The following ELAPOR2 variants were observed in gnomAD, a reference collection of about 807,000 sequenced individuals.
ELAPOR2 encodes the protein endosome-lysosome associated apoptosis and autophagy regulator family member 2.
In ELAPOR2, 89 loss-of-function variants were observed where a neutral mutation model predicts 120.7. The observed-to-expected ratio is 0.74, with a 90% CI of 0.62 to 0.88. The LOEUF (loss-of-function observed/expected upper bound fraction) is 0.88, where lower values mean the gene tolerates loss of function less well. ELAPOR2 is among the 40% of genes least tolerant of loss of function. ELAPOR2 has a pLI of 0.00. For synonymous variants in ELAPOR2, 444 were observed against 444.9 expected (o/e 1.00, Z 0.03); for missense variants, 1,134 against 1,251.6 (o/e 0.91, Z 1.42).
rs1426621191 is a variant in ELAPOR2, at chr7:86,965,027, GCAAA to G, written c.190-7_190-4del. 1 of 1,551,420 alleles carries G rather than the reference GCAAA, an allele frequency of 6.4e-7. No individual in the cohort carries two copies. Among genetic ancestry groups the G allele is most frequent in the East Asian group, 2.4e-5 (1 of 40,918 alleles). On this transcript the variant is annotated splice_polypyrimidine_tract_variant and splice_region_variant and intron_variant, in intron 1 of 21. Transcript: ENST00000450689. ...GTATATTCAAAGTGATAATCTTTCT[GCAAA>G]CAATCACAAAAACAAGCCTTTGTTA... is the stretch of plus-strand genomic sequence containing the variant.
intron 1 of ELAPOR2, among the ~76,000 whole-genome samples, chr7:87,046,622 C>T (rs1247044311): frequency 1.3e-5 from 2 of 152,108 alleles, no homozygotes; most frequent in African/African-American, 2.4e-5. Flanking sequence ...AGAGCAGTTT[C>T]CCCCACCCCA....
chr7:86,955,009 A>G (rs1389876363), intron 2 of ELAPOR2, among the ~76,000 whole-genome samples: 2 of 152,134 alleles, frequency 1.3e-5, no homozygotes, highest in Non-Finnish European at 2.9e-5. Flanking sequence ...CATGTAGCCA[A>G]TTAATTATCA....
At chr7:86,886,024 A>C (rs375509924) in intron 21 of ELAPOR2, among the ~76,000 whole-genome samples, 98 of 152,244 alleles carry the variant, frequency 6.4e-4, no homozygotes, top group African/African-American at 2.3e-3. Context: ...CTGATGCCCA[A>C]AACAGTCACT....
At chr7:87,013,664 A>C (rs1562968334) in intron 1 of ELAPOR2, among the ~76,000 whole-genome samples, 1 of 152,202 alleles carries the variant, frequency 6.6e-6, no homozygotes, top group East Asian at 1.9e-4. Context: ...CTCTCAGTAA[A>C]TGTTGGATTC....
intron 14 of ELAPOR2, 79 bp from the exon 15 acceptor site, chr7:86,912,324 A>G: frequency 1.1e-6 from 1 of 913,340 alleles, no homozygotes; most frequent in South Asian, 1.9e-5. Context: ...AAAAAGTTCT[A>G]GGTATAAAAA....
chr7:86,981,709 G>A (rs1792497084), intron 1 of ELAPOR2, among the ~76,000 whole-genome samples: 1 of 152,150 alleles, frequency 6.6e-6, no homozygotes, highest in South Asian at 2.1e-4. Context: ...AGCCAAATAG[G>A]AACAGCTCCA....
intron 1 of ELAPOR2, among the ~76,000 whole-genome samples, chr7:87,038,711 G>A (rs1006382223): frequency 1.3e-5 from 2 of 151,834 alleles, no homozygotes; most frequent in Non-Finnish European, 2.9e-5. Flanking sequence ...AAGAAATTGA[G>A]AAGAAAATTG....
At chr7:87,011,123 C>T (rs1477241734) in intron 1 of ELAPOR2, among the ~76,000 whole-genome samples, 2 of 151,662 alleles carry the variant, frequency 1.3e-5, no homozygotes, top group Non-Finnish European at 2.9e-5. Flanking sequence ...AAAAAATTAG[C>T]TGGGCATGGT....
At chr7:86,894,832 T>G (rs1788362749) in intron 19 of ELAPOR2, among the ~76,000 whole-genome samples, 1 of 152,070 alleles carries the variant, frequency 6.6e-6, no homozygotes, top group Non-Finnish European at 1.5e-5. Flanking sequence ...TAACACAGTA[T>G]CTCTTCAAAT....
chr7:87,002,818 C>A (rs569113094), intron 1 of ELAPOR2, among the ~76,000 whole-genome samples: 2 of 152,266 alleles, frequency 1.3e-5, no homozygotes, highest in African/African-American at 4.8e-5. Context: ...TCCCCCAGCA[C>A]TTCACTGTAG....
At chr7:86,941,759 G>T (rs1435947709) in intron 5 of ELAPOR2, among the ~76,000 whole-genome samples, 1 of 151,930 alleles carries the variant, frequency 6.6e-6, no homozygotes, top group Admixed American at 6.6e-5. Flanking sequence ...ATGGGAAGGG[G>T]AAGGAAAAGG....
chr7:86,984,014 C>A (rs12381395), intron 1 of ELAPOR2, among the ~76,000 whole-genome samples: 57,473 of 151,576 alleles, frequency 0.38, 11,718 homozygotes, highest in African/African-American at 0.53. Context: ...AATGGAAAAC[C>A]ACAACAACAA....
rs112693552 is a variant in ELAPOR2 at position 86,893,104 on chromosome 7, T to TAA, written c.2686-6_2686-5dup. Reference sequence around the variant, plus strand: ...CATTCCACACATACAAGGTTTCCTTTAAAAAAAAAAACATAAAACCATAGA... The same window carrying TAA: ...CATTCCACACATACAAGGTTTCCTTTAAAAAAAAAAAAACATAAAACCATAGA... On this transcript the variant is annotated splice_region_variant and splice_polypyrimidine_tract_variant and intron_variant, in intron 19 of 21. Coordinates refer to ENST00000450689, the MANE Select transcript of ELAPOR2 (RefSeq NM_001142749.3). The TAA allele has an allele frequency of 1.2e-4, 144 of 1,223,364 alleles. No homozygotes were observed. Among genetic ancestry groups the TAA allele is most frequent in the Admixed American group, 3.0e-4 (10 of 33,752 alleles). The allele number at this position is 1,223,364 out of a possible 1,614,324, so 75.8% of individuals were successfully genotyped here. A position where few individuals can be genotyped will look rare whatever the true frequency, so the allele number is the denominator to read the frequency against.
intron 1 of ELAPOR2, among the ~76,000 whole-genome samples, chr7:87,032,951 A>G (rs1190562894): frequency 6.6e-6 from 1 of 152,216 alleles, no homozygotes; most frequent in East Asian, 1.9e-4. Context: ...AAGATTTCTG[A>G]AACACATGAG....
chr7:86,966,494 C>T (rs1448368702), intron 1 of ELAPOR2, among the ~76,000 whole-genome samples: 1 of 152,170 alleles, frequency 6.6e-6, no homozygotes, highest in Non-Finnish European at 1.5e-5. Context: ...TTTCTACCAA[C>T]AGTCTGTTCA....
Position 86,918,098 on chromosome 7 carries a change from TAGCTGA to T in ELAPOR2, c.1593+338_1593+343del, listed in dbSNP as rs146539039. On this transcript the variant is annotated intron_variant, in intron 12 of 21. Coordinates refer to ENST00000450689, the MANE Select transcript of ELAPOR2 (RefSeq NM_001142749.3). ...GTTTTTTCTTTCCGGATAGTTCAAA[TAGCTGA>T]ATGGTTATCAGGTGAGAATTTTCAT... Among the ~76,000 whole-genome samples the T allele has an allele frequency of 1.7e-3, 253 of 152,210 alleles. 5 individuals are homozygous for T. In the East Asian group the frequency reaches 0.047, roughly 28 times the overall value.
intron 1 of ELAPOR2, among the ~76,000 whole-genome samples, chr7:87,017,084 T>C (rs1030936825): frequency 2.6e-5 from 4 of 152,210 alleles, no homozygotes; most frequent in Non-Finnish European, 5.9e-5. Context: ...TGCCATAATG[T>C]TGAAGACGAA....
chr7:86,894,711 A>G (rs1040719229), intron 19 of ELAPOR2, among the ~76,000 whole-genome samples: 1 of 152,092 alleles, frequency 6.6e-6, no homozygotes, highest in Non-Finnish European at 1.5e-5. Flanking sequence ...TTGGAAAACA[A>G]AAAATGGCTG....
intron 1 of ELAPOR2, among the ~76,000 whole-genome samples, chr7:87,010,687 A>T (rs1252354782): frequency 6.6e-6 from 1 of 152,216 alleles, no homozygotes; most frequent in Non-Finnish European, 1.5e-5. Flanking sequence ...GTTTAAAAAC[A>T]TAAAGCCAGT....
Sources: gnomAD v4.1 joint callset for allele counts (sites outside exome capture counted in the v4.1 genomes callset) on GRCh38, gnomAD v4.1.1 for gene constraint, MANE v1.5 for transcripts, NCBI Gene and HGNC (gene_info 2026-07-23, HGNC 2026-07-21) for gene names.